RSRC1: variants seen among roughly 807,000 people sequenced by gnomAD.
RSRC1 encodes the protein serine/Arginine-related protein 53.
RSRC1 carries 39 observed loss-of-function variants against 49.1 expected under a neutral mutation model. The ratio of observed to expected loss-of-function variants is 0.79; its 90% CI spans 0.61 to 1.04. The LOEUF is 1.04. Among genes scored for constraint, RSRC1 ranks in the 50% least tolerant of loss-of-function variants. The pLI is 0.00. For missense variants in RSRC1, 388 were observed against 402.4 expected (o/e 0.96, Z 0.31); for synonymous variants, 143 against 130.8 (o/e 1.09, Z -0.63).
intron 4 of RSRC1, among the ~76,000 whole-genome samples, chr3:158,271,446 C>CA (rs1725513615): frequency 1.3e-5 from 2 of 152,036 alleles, no homozygotes; most frequent in Non-Finnish European, 2.9e-5. Context: ...CATGAGCAGT[C>CA]AGAGTAGAGA....
At chr3:158,466,856 G>A (rs55971926) in intron 7 of RSRC1, among the ~76,000 whole-genome samples, 48,790 of 152,018 alleles carry the variant, frequency 0.32, 8,624 homozygotes, top group Middle Eastern at 0.47. Flanking sequence ...GAGCCCGGGA[G>A]TTCGAGACTA....
chr3:158,351,319 C>T (rs1730861237), intron 5 of RSRC1, among the ~76,000 whole-genome samples: 1 of 152,170 alleles, frequency 6.6e-6, no homozygotes. Flanking sequence ...ACTTATTCAC[C>T]AGTCACGCTA....
chr3:158,139,660 G>T (rs539845917), intron 3 of RSRC1, among the ~76,000 whole-genome samples: 1 of 146,186 alleles, frequency 6.8e-6, no homozygotes, highest in Non-Finnish European at 1.5e-5. Flanking sequence ...TTGAGATGGA[G>T]CCTCGCTCTT....
At chr3:158,328,641 C>G (rs1344389305) in intron 5 of RSRC1, among the ~76,000 whole-genome samples, 1 of 152,144 alleles carries the variant, frequency 6.6e-6, no homozygotes, top group Admixed American at 6.5e-5. Context: ...GGTAACCCAA[C>G]CTTTCTCTCT....
At chr3:158,522,623 C>G (rs1485178335) in intron 7 of RSRC1, among the ~76,000 whole-genome samples, 1 of 152,106 alleles carries the variant, frequency 6.6e-6, no homozygotes, top group Non-Finnish European at 1.5e-5. Context: ...ATTATAATTG[C>G]AGATTTCAGA....
intron 3 of RSRC1, among the ~76,000 whole-genome samples, chr3:158,200,490 G>T (rs531090470): frequency 6.6e-6 from 1 of 152,062 alleles, no homozygotes; most frequent in Non-Finnish European, 1.5e-5. Context: ...AATATCTAAT[G>T]TACTTATTGA....
Position 158,285,037 on chromosome 3 carries a change from T to A in RSRC1, c.495-13002T>A, listed in dbSNP as rs1344783114. On this transcript the variant is annotated intron_variant, in intron 4 of 9. Transcript: ENST00000611884. ...TTTTTATGGTTTTAGGTCTGACGTT[T>A]AAGTCTTTAATCCATCTTGAATTAA... 3.9e-5 allele frequency among the ~76,000 whole-genome samples: 6 copies of A among 152,248 alleles called. No individual in the cohort carries two copies. In the East Asian group the frequency reaches 9.6e-4, roughly 24 times the overall value.
At chr3:158,236,825 G>A (rs1723274737) in intron 4 of RSRC1, among the ~76,000 whole-genome samples, 1 of 152,240 alleles carries the variant, frequency 6.6e-6, no homozygotes, top group Non-Finnish European at 1.5e-5. Context: ...GAGGAGGTTG[G>A]GGGTTTTATA....
chr3:158,541,377 ATTAT>A (rs1024563272), intron 8 of RSRC1, among the ~76,000 whole-genome samples: 2 of 152,168 alleles, frequency 1.3e-5, no homozygotes, highest in Non-Finnish European at 2.9e-5. Flanking sequence ...GTGATTATGC[ATTAT>A]TTTGGAATTT....
At chr3:158,245,101 C>T (rs992272323) in intron 4 of RSRC1, among the ~76,000 whole-genome samples, 1 of 121,576 alleles carries the variant, frequency 8.2e-6, no homozygotes, top group Non-Finnish European at 1.9e-5. Flanking sequence ...TTCTCTTGGT[C>T]CTCTAGTTCT....
At chr3:158,372,810 TAA>T (rs147233846) in intron 6 of RSRC1, among the ~76,000 whole-genome samples, 15 of 152,040 alleles carry the variant, frequency 9.9e-5, no homozygotes, top group African/African-American at 3.6e-4. Context: ...CTTAACATAT[TAA>T]GTCTTTGAAT....
intron 4 of RSRC1, among the ~76,000 whole-genome samples, chr3:158,279,934 A>G (rs554339328): frequency 6.6e-6 from 1 of 152,342 alleles, no homozygotes; most frequent in East Asian, 1.9e-4. Context: ...ACTGACAGGA[A>G]AAGAAGACTG....
intron 3 of RSRC1, among the ~76,000 whole-genome samples, chr3:158,133,734 C>T (rs1217456097): frequency 6.6e-6 from 1 of 152,266 alleles, no homozygotes; most frequent in East Asian, 1.9e-4. Flanking sequence ...CTAATTTGAT[C>T]ATATTAGATG....
At chr3:158,467,323 C>T (rs1319160786) in intron 7 of RSRC1, among the ~76,000 whole-genome samples, 1 of 152,044 alleles carries the variant, frequency 6.6e-6, no homozygotes, top group Non-Finnish European at 1.5e-5. Context: ...AAAATGAAAA[C>T]AAATCATAAA....
chr3:158,523,052 CA>C, intron 7 of RSRC1, among the ~76,000 whole-genome samples: 2 of 152,162 alleles, frequency 1.3e-5, no homozygotes, highest in South Asian at 4.1e-4. Context: ...TAAAGATTTG[CA>C]ATAGCAGTAT....
At chr3:158,363,973 G>A (rs1238380178) in intron 6 of RSRC1, among the ~76,000 whole-genome samples, 1 of 152,116 alleles carries the variant, frequency 6.6e-6, no homozygotes, top group Non-Finnish European at 1.5e-5. Context: ...CAAGTAATAA[G>A]CTTTGCTGAG....
At chr3:158,503,731 A>G (rs564912427) in intron 7 of RSRC1, among the ~76,000 whole-genome samples, 1 of 143,892 alleles carries the variant, frequency 6.9e-6, no homozygotes, top group South Asian at 2.2e-4. Context: ...TCTGACTCCC[A>G]CCGTGCCCCC....
intron 1 of RSRC1, among the ~76,000 whole-genome samples, chr3:158,113,404 C>CTT (rs150088779): frequency 0.023 from 3,313 of 146,874 alleles, 53 homozygotes; most frequent in Non-Finnish European, 0.036. Flanking sequence ...GAGTCTCACT[C>CTT]TGTCACCAGG....
At chr3:158,364,487 A>G (rs1034525113) in intron 6 of RSRC1, among the ~76,000 whole-genome samples, 1 of 152,180 alleles carries the variant, frequency 6.6e-6, no homozygotes, top group Non-Finnish European at 1.5e-5. Flanking sequence ...TTGTTTCACT[A>G]ACAAACTGTG....
Sources: allele counts gnomAD v4.1 joint callset (sites outside exome capture counted in the v4.1 genomes callset), GRCh38; gene constraint gnomAD v4.1.1; transcripts MANE v1.5; gene names NCBI Gene and HGNC (gene_info 2026-07-23, HGNC 2026-07-21).